PRKAR2B: variants seen among roughly 807,000 people sequenced by gnomAD.
PRKAR2B encodes cAMP-dependent protein kinase type II-beta regulatory subunit.
PRKAR2B carries 14 observed loss-of-function variants against 49.9 expected under a neutral mutation model. The observed-to-expected ratio is 0.28, with a 90% confidence interval of 0.19 to 0.44. The LOEUF (loss-of-function observed/expected upper bound fraction) is 0.44, where lower values mean the gene tolerates loss of function less well. Ranked by LOEUF, PRKAR2B falls within the 20% of genes least tolerant of loss-of-function variation. The pLI, the probability that PRKAR2B is intolerant of heterozygous loss-of-function variation, is 1.00. For missense variants in PRKAR2B, 393 were observed against 537.9 expected (o/e 0.73, Z 2.67); for synonymous variants, 196 against 197.7 (o/e 0.99, Z 0.07).
rs949606499 is a variant in PRKAR2B at position 107,150,159 on chromosome 7, G to T, written c.742-763G>T. Among the ~76,000 whole-genome samples the T allele has an allele frequency of 1.0e-3, 155 of 152,064 alleles. 1 individual carries two copies. Among genetic ancestry groups the T allele is most frequent in the Non-Finnish European group, 1.8e-3 (125 of 67,960 alleles). On this transcript the variant is annotated intron_variant, in intron 6 of 10. Transcript: ENST00000265717. ...ATTAAAGAATTAAAATATTTTATGA[G>T]AAATTATTTAAAATAAAATTTTTAG...
At chr7:107,156,488 T>C (rs1163787061) in intron 8 of PRKAR2B, among the ~76,000 whole-genome samples, 1 of 151,918 alleles carries the variant, frequency 6.6e-6, no homozygotes. Context: ...ATGAAATCAT[T>C]ACTACATAAT....
intron 2 of PRKAR2B, among the ~76,000 whole-genome samples, chr7:107,076,691 A>AT (rs1408389039): frequency 6.6e-6 from 1 of 152,102 alleles, no homozygotes; most frequent in East Asian, 1.9e-4. Flanking sequence ...CCACTCTTTA[A>AT]TTTTTTGCCA....
intron 4 of PRKAR2B, among the ~76,000 whole-genome samples, chr7:107,128,600 C>T (rs1409344607): frequency 6.6e-6 from 1 of 152,060 alleles, no homozygotes; most frequent in Non-Finnish European, 1.5e-5. Context: ...TGAGAAATGG[C>T]ACAGGTAAAA....
intron 6 of PRKAR2B, among the ~76,000 whole-genome samples, chr7:107,148,273 A>C (rs1264553666): frequency 1.3e-5 from 2 of 152,224 alleles, no homozygotes; most frequent in East Asian, 3.9e-4. Context: ...GTTGCCGTTC[A>C]GATTCAGATT....
intron 2 of PRKAR2B, among the ~76,000 whole-genome samples, chr7:107,077,612 A>T (rs1388989408): frequency 6.6e-6 from 1 of 152,194 alleles, no homozygotes; most frequent in Non-Finnish European, 1.5e-5. Flanking sequence ...GAGTGAGCAG[A>T]TGCCCACTGG....
intron 1 of PRKAR2B, among the ~76,000 whole-genome samples, chr7:107,054,936 A>G (rs1188739436): frequency 6.6e-6 from 1 of 152,114 alleles, no homozygotes; most frequent in East Asian, 1.9e-4. Flanking sequence ...AACATTAGGT[A>G]TATCTCCTAA....
At chr7:107,127,572 A>G (rs1795520471) in intron 3 of PRKAR2B, among the ~76,000 whole-genome samples, 1 of 152,252 alleles carries the variant, frequency 6.6e-6, no homozygotes, top group Non-Finnish European at 1.5e-5. Flanking sequence ...TGCACCAGCC[A>G]GCCTCCTTGG....
rs748179635 is a variant in PRKAR2B at position 107,150,939 on chromosome 7, G to A, written c.759G>A (p.Arg253=). 5 of 1,596,858 alleles carry A rather than the reference G, an allele frequency of 3.1e-6. No homozygotes were observed. Among genetic ancestry groups the A allele is most frequent in the Non-Finnish European group, 4.3e-6 (5 of 1,171,876 alleles). Residue 253 remains arginine, a synonymous_variant, in exon 7 of 11, where the codon AGG becomes AGA. Transcript: ENST00000265717. ...ALWGLDRVTF[R]RIIVKNNAKK... is the part of the protein sequence containing the mutation. The stretch of plus-strand genomic sequence containing the variant: ...GCCTGTAGGACAGGGTAACCTTCAG[G>A]AGAATAATTGTGAAAAACAATGCCA...
rs559983693 is a variant in PRKAR2B, at chr7:107,142,810, T to C, written c.587+1857T>C. ...AACAGTCTTGCTCTGTTGCCCAGGC[T>C]GGAGTGCAGTGGTGCGATCTCGACC... On this transcript the variant is annotated intron_variant, in intron 5 of 10. Transcript: ENST00000265717. 2.6e-5 allele frequency among the ~76,000 whole-genome samples: 4 copies of C among 152,214 alleles called. No homozygotes were observed. In the East Asian group the frequency reaches 7.7e-4, roughly 29 times the overall value.
Position 107,057,108 on chromosome 7 carries a change from G to T in PRKAR2B, c.307+11894G>T, listed in dbSNP as rs1793932050. On this transcript the variant is annotated intron_variant, in intron 1 of 10. Transcript: ENST00000265717. Reference sequence around the variant, plus strand: ...GTTTCCTCATCATTCCTGCCACTCTGCAAGGCAAGCTGCCTTCCTCCCTCT... The same window carrying T: ...GTTTCCTCATCATTCCTGCCACTCTTCAAGGCAAGCTGCCTTCCTCCCTCT... Among the ~76,000 whole-genome samples, 3 of 152,082 alleles carry T rather than the reference G, an allele frequency of 2.0e-5. No individual in the cohort carries two copies. In the South Asian group the frequency reaches 6.2e-4, roughly 32 times the overall value.
intron 2 of PRKAR2B, among the ~76,000 whole-genome samples, chr7:107,072,694 A>G (rs1214925261): frequency 6.6e-6 from 1 of 152,214 alleles, no homozygotes; most frequent in Non-Finnish European, 1.5e-5. Flanking sequence ...GTTTAGTAAT[A>G]GAGATGTACA....
chr7:107,061,941 A>G (rs1051924395), intron 1 of PRKAR2B, among the ~76,000 whole-genome samples: 1 of 152,170 alleles, frequency 6.6e-6, no homozygotes, highest in Non-Finnish European at 1.5e-5. Flanking sequence ...CACGTGGAAT[A>G]GTGCTCAATA....
intron 2 of PRKAR2B, among the ~76,000 whole-genome samples, chr7:107,087,794 C>A (rs1048890359): frequency 2.6e-5 from 4 of 152,162 alleles, no homozygotes; most frequent in Non-Finnish European, 5.9e-5. Flanking sequence ...AGTTATCACA[C>A]ACTTAGATTA....
At chr7:107,046,135 T>C (rs544904876) in intron 1 of PRKAR2B, among the ~76,000 whole-genome samples, 13 of 152,280 alleles carry the variant, frequency 8.5e-5, no homozygotes, top group Non-Finnish European at 1.6e-4. Flanking sequence ...TACAACCCTC[T>C]TTCCCTAACA....
intron 1 of PRKAR2B, among the ~76,000 whole-genome samples, chr7:107,062,500 A>T (rs1223526363): frequency 6.6e-6 from 1 of 152,212 alleles, no homozygotes; most frequent in African/African-American, 2.4e-5. Flanking sequence ...AAGTTCAAAG[A>T]CAGGCAAAGC....
At chr7:107,054,657 G>T (rs1430292491) in intron 1 of PRKAR2B, among the ~76,000 whole-genome samples, 2 of 152,094 alleles carry the variant, frequency 1.3e-5, no homozygotes, top group Non-Finnish European at 2.9e-5. Context: ...GAATGTGCAG[G>T]AATATACCCT....
intron 4 of PRKAR2B, among the ~76,000 whole-genome samples, chr7:107,140,333 T>C (rs139187406): frequency 7.2e-5 from 11 of 152,342 alleles, no homozygotes; most frequent in African/African-American, 2.2e-4. Context: ...CATTTTTGTT[T>C]TACTTTGTTG....
intron 4 of PRKAR2B, among the ~76,000 whole-genome samples, chr7:107,134,103 A>G (rs1223259121): frequency 6.6e-6 from 1 of 152,036 alleles, no homozygotes; most frequent in Non-Finnish European, 1.5e-5. Context: ...ATCATGGCTC[A>G]CTGCAACCTC....
rs575165125 is a variant in PRKAR2B at position 107,119,436 on chromosome 7, G to A, written c.344-2516G>A. 4.0e-5 allele frequency among the ~76,000 whole-genome samples: 6 copies of A among 151,352 alleles called. No individual in the cohort carries two copies. The East Asian group carries it at 5.8e-4, about 15-fold the overall frequency. On this transcript the variant is annotated intron_variant, in intron 2 of 10. Transcript: ENST00000265717. ...GCCCATATATGGTGGTTTTTGTTTC[G>A]TTTTGTTTTGTTTTGTTTTTGCACT...
Sources: gnomAD v4.1 joint callset for allele counts (sites outside exome capture counted in the v4.1 genomes callset) on GRCh38, gnomAD v4.1.1 for gene constraint, MANE v1.5 for transcripts, NCBI Gene and HGNC (gene_info 2026-07-23, HGNC 2026-07-21) for gene names.